The following TNR variants were observed in gnomAD, a reference collection of about 807,000 sequenced individuals.
TNR encodes the protein tenascin R.
Under a neutral mutation model 150.4 loss-of-function variants are expected in TNR, and 45 were observed. The observed-to-expected ratio is 0.30, with a 90% CI of 0.24 to 0.38. The LOEUF is 0.38. TNR is among the 10% of genes least tolerant of loss of function. TNR has a pLI of 1.00. For synonymous variants in TNR, 687 were observed against 678.4 expected (o/e 1.01, Z -0.20); for missense variants, 1,544 against 1,759.1 (o/e 0.88, Z 2.19).
rs1659986297 is a variant in TNR at position 175,529,625 on chromosome 1, G to A, written c.-164-1256C>T. On this transcript the variant is annotated intron_variant, in intron 1 of 22. Coordinates refer to ENST00000367674, the MANE Select transcript of TNR (RefSeq NM_003285.3). ...ATTCTAATCTGGCTGCTCACCAAAT[G>A]GAAGAATCGCAGGTTCTTTGGACAG... Among the ~76,000 whole-genome samples the A allele has an allele frequency of 2.0e-5, 3 of 152,328 alleles. No individual in the cohort carries two copies. The South Asian group carries it at 6.2e-4, about 32-fold the overall frequency.
At chr1:175,360,402 T>C (rs531618329) in intron 14 of TNR, among the ~76,000 whole-genome samples, 20 of 152,348 alleles carry the variant, frequency 1.3e-4, no homozygotes, top group Admixed American at 5.2e-4. Flanking sequence ...GTCAAGAGGA[T>C]TCTTCCAGGC....
chr1:175,691,756 T>C (rs1348726805), intron 1 of TNR, among the ~76,000 whole-genome samples: 1 of 152,152 alleles, frequency 6.6e-6, no homozygotes, highest in Non-Finnish European at 1.5e-5. Flanking sequence ...AGATTTCTTA[T>C]TTTTGCTCTA....
chr1:175,680,427 A>C (rs1665994554), intron 1 of TNR, among the ~76,000 whole-genome samples: 1 of 152,182 alleles, frequency 6.6e-6, no homozygotes, highest in African/African-American at 2.4e-5. Context: ...AGAGGGAGTG[A>C]GAAAGGCGGG....
At chr1:175,623,810 T>TC (rs1179243505) in intron 1 of TNR, among the ~76,000 whole-genome samples, 31 of 152,178 alleles carry the variant, frequency 2.0e-4, no homozygotes, top group African/African-American at 7.2e-4. Context: ...TCTGGTCCTA[T>TC]CCCCCCATAC....
chr1:175,617,406 A>G (rs1435131905), intron 1 of TNR, among the ~76,000 whole-genome samples: 5 of 152,152 alleles, frequency 3.3e-5, no homozygotes, highest in Non-Finnish European at 7.3e-5. Context: ...CACTGTCTGC[A>G]CCAGGAGGTC....
At chr1:175,626,017 C>T (rs1317745480) in intron 1 of TNR, among the ~76,000 whole-genome samples, 1 of 152,164 alleles carries the variant, frequency 6.6e-6, no homozygotes, top group Non-Finnish European at 1.5e-5. Context: ...GTGCTATTCT[C>T]ATGATAGTGA....
At chr1:175,724,598 T>G (rs1420532040) in intron 1 of TNR, among the ~76,000 whole-genome samples, 1 of 152,204 alleles carries the variant, frequency 6.6e-6, no homozygotes, top group African/African-American at 2.4e-5. Flanking sequence ...GATCTATTCC[T>G]TGACCTGAAG....
intron 2 of TNR, among the ~76,000 whole-genome samples, chr1:175,491,128 C>A (rs1052884361): frequency 2.0e-5 from 3 of 152,178 alleles, no homozygotes; most frequent in African/African-American, 7.2e-5. Flanking sequence ...AACAGAGAAT[C>A]AATCACTGTA....
At chr1:175,414,817 T>G (rs1357246565) in intron 2 of TNR, among the ~76,000 whole-genome samples, 1 of 151,908 alleles carries the variant, frequency 6.6e-6, no homozygotes, top group African/African-American at 2.4e-5. Context: ...ACTGGGAAGG[T>G]GAGGAGGAAA....
In TNR at chr1:175,317,029, G is replaced by T. The variant is rs936609442; in HGVS notation, c.*6328C>A. On this transcript the variant is annotated 3_prime_UTR_variant, in exon 23 of 23. Coordinates refer to ENST00000367674, the MANE Select transcript of TNR (RefSeq NM_003285.3). ...AAAATTAGACAAAGGTTCAGATTAT[G>T]GCTCTATTTAGTAGCTGTGTGACTT... 21 of 152,132 alleles carry T rather than the reference G, an allele frequency of 1.4e-4. No homozygotes were observed. The highest frequency in any genetic ancestry group is 5.1e-4 in the African/African-American group (21 of 41,418). The allele number at this position is 152,132 out of a possible 1,614,324, so 9.4% of individuals were successfully genotyped here. A position where few individuals can be genotyped will look rare whatever the true frequency, so the allele number is the denominator to read the frequency against.
intron 2 of TNR, among the ~76,000 whole-genome samples, chr1:175,489,371 C>A (rs1658147866): frequency 6.6e-6 from 1 of 152,190 alleles, no homozygotes; most frequent in Non-Finnish European, 1.5e-5. Flanking sequence ...GTCATAGCTG[C>A]CATCCTCGAT....
chr1:175,483,702 G>A (rs1657898077), intron 2 of TNR, among the ~76,000 whole-genome samples: 1 of 152,218 alleles, frequency 6.6e-6, no homozygotes. Flanking sequence ...TTATCAGGAT[G>A]TCGGGCCTTG....
chr1:175,548,601 A>C (rs1293202811), intron 1 of TNR, among the ~76,000 whole-genome samples: 1 of 150,314 alleles, frequency 6.7e-6, no homozygotes, highest in Non-Finnish European at 1.5e-5. Flanking sequence ...CTCTCCCCTC[A>C]GGGCCCCTCT....
chr1:175,624,726 C>T (rs537313318), intron 1 of TNR, among the ~76,000 whole-genome samples: 68 of 152,280 alleles, frequency 4.5e-4, no homozygotes, highest in African/African-American at 1.6e-3. Flanking sequence ...TATGGCACTT[C>T]ATTACTGTAG....
At chr1:175,476,996 A>G (rs1292743641) in intron 2 of TNR, among the ~76,000 whole-genome samples, 1 of 152,196 alleles carries the variant, frequency 6.6e-6, no homozygotes, top group Non-Finnish European at 1.5e-5. Flanking sequence ...TAATGGAGAG[A>G]CAGGACTTCA....
chr1:175,374,641 C>T (rs1211352711), intron 9 of TNR, among the ~76,000 whole-genome samples: 3 of 152,180 alleles, frequency 2.0e-5, no homozygotes, highest in Non-Finnish European at 4.4e-5. Context: ...TCTGTAGAAA[C>T]TGTAAAGCTT....
chr1:175,531,954 C>T (rs981541717), intron 1 of TNR, among the ~76,000 whole-genome samples: 1 of 152,228 alleles, frequency 6.6e-6, no homozygotes, highest in Non-Finnish European at 1.5e-5. Flanking sequence ...CTGTTGACCT[C>T]AATCACAGAT....
intron 2 of TNR, among the ~76,000 whole-genome samples, chr1:175,416,923 GC>G (rs1654487921): frequency 6.6e-6 from 1 of 152,036 alleles, no homozygotes; most frequent in South Asian, 2.1e-4. Context: ...CAGGAGAATG[GC>G]GTGAACCCGG....
intron 9 of TNR, among the ~76,000 whole-genome samples, chr1:175,371,728 C>T (rs1652115002): frequency 6.6e-6 from 1 of 152,170 alleles, no homozygotes; most frequent in African/African-American, 2.4e-5. Flanking sequence ...CAAACAGGGG[C>T]TCCAAGAAGT....
Sources: gnomAD v4.1 joint callset for allele counts (sites outside exome capture counted in the v4.1 genomes callset) on GRCh38, gnomAD v4.1.1 for gene constraint, MANE v1.5 for transcripts, NCBI Gene and HGNC (gene_info 2026-07-23, HGNC 2026-07-21) for gene names.